ANKRD36: variants seen among roughly 807,000 people sequenced by gnomAD.
The protein encoded by ANKRD36 is ankyrin repeat domain-containing protein 36A.
In ANKRD36, 179 loss-of-function variants were observed where a neutral mutation model predicts 278.1. That is an observed-to-expected ratio of 0.64 (90% CI 0.57 to 0.73). The LOEUF (loss-of-function observed/expected upper bound fraction) is 0.73, where lower values mean the gene tolerates loss of function less well. Among genes scored for constraint, ANKRD36 ranks in the 30% least tolerant of loss-of-function variants. ANKRD36 has a pLI of 0.00. For missense variants in ANKRD36, 1,159 were observed against 1,956.7 expected (o/e 0.59, Z 7.69); for synonymous variants, 320 against 641.1 (o/e 0.50, Z 7.57).
At chr2:97,153,184 T>C (rs1311250820) in intron 14 of ANKRD36, among the ~76,000 whole-genome samples, 1 of 151,852 alleles carries the variant, frequency 6.6e-6, no homozygotes, top group African/African-American at 2.4e-5. Context: ...AGGATATTTC[T>C]AATTCATTTC....
At chr2:97,197,443 C>G (rs886341948) in intron 42 of ANKRD36, among the ~76,000 whole-genome samples, 1 of 151,950 alleles carries the variant, frequency 6.6e-6, no homozygotes, top group African/African-American at 2.4e-5. Context: ...TCATTACTCT[C>G]CTTTGTTACT....
At chr2:97,129,681 TC>T (rs1392825650) in intron 6 of ANKRD36, among the ~76,000 whole-genome samples, 1 of 152,114 alleles carries the variant, frequency 6.6e-6, no homozygotes, top group African/African-American at 2.4e-5. Flanking sequence ...GTTTCAGCTT[TC>T]TACATATGGC....
chr2:97,200,252 G>T (rs1265778172), intron 44 of ANKRD36, 82 bp from the exon 45 acceptor site: 4 of 1,600,854 alleles, frequency 2.5e-6, no homozygotes, highest in East Asian at 4.5e-5. Flanking sequence ...GAGGACAGAG[G>T]TTGATGCTAA....
intron 22 of ANKRD36, among the ~76,000 whole-genome samples, chr2:97,175,055 A>G (rs1328203155): frequency 6.8e-6 from 1 of 146,316 alleles, no homozygotes; most frequent in Non-Finnish European, 1.5e-5. Flanking sequence ...TTTTTGCATC[A>G]ATGTTCATCA....
At position 97,233,605 on chromosome 2, in the gene ANKRD36, A is replaced by C. The variant is rs577939294; in HGVS notation, c.3952-125A>C. The C allele has an allele frequency of 7.3e-6, 11 of 1,507,876 alleles. 2 individuals are homozygous for C. The East Asian group carries it at 2.5e-4, about 35-fold the overall frequency. 93.4% of individuals were successfully genotyped at this position (1,507,876 alleles called of 1,614,324 possible). On this transcript the variant is annotated intron_variant, in intron 67 of 75. Transcript: ENST00000420699. ...AACATAAAGGAAATTGCTTAAAAAA[A>C]AAGTACGGAACAGGTACCTGTGTTT...
In ANKRD36 at chr2:97,212,470, G is replaced by A. The variant is rs1247971418; in HGVS notation, c.3469+729G>A. On this transcript the variant is annotated intron_variant, in intron 58 of 75. Transcript: ENST00000420699. ...TTTCAGTTATAAAACTGAGATAAACGAATATGAATACATTGGCTTCAAAGT... is the reference window on the plus strand; with the variant it reads ...TTTCAGTTATAAAACTGAGATAAACAAATATGAATACATTGGCTTCAAAGT... Among the ~76,000 whole-genome samples the A allele has an allele frequency of 2.6e-5, 4 of 152,000 alleles. No individual in the cohort carries two copies. The East Asian group carries it at 5.9e-4, about 22-fold the overall frequency.
chr2:97,185,674 G>T (rs201174426), intron 30 of ANKRD36, among the ~76,000 whole-genome samples, 164 bp downstream of exon 30: 1 of 151,742 alleles, frequency 6.6e-6, no homozygotes, highest in Admixed American at 6.6e-5. Flanking sequence ...GATGCTGCTG[G>T]TCTTGGACCT....
chr2:97,187,336 C>A lies in ANKRD36; in HGVS notation c.2078C>A (p.Thr693Asn), dbSNP rs1210116712. The A allele has an allele frequency of 6.2e-7, 1 of 1,607,586 alleles. No homozygotes were observed. The highest frequency in any genetic ancestry group is 2.3e-5 in the East Asian group (1 of 44,356). The change falls in exon 32 of 76, where the codon ACT becomes AAT. Residue 693 changes from threonine to asparagine, a missense_variant. Coordinates refer to ENST00000420699, the MANE Select transcript of ANKRD36 (RefSeq NM_001354587.1). ...SQKQPALKAT[T>N]DEEDSVSNIA... is the part of the protein sequence containing the mutation. ...CTTTCAAATTCCATTCAGGCTACAA[C>A]TGACGAGGAAGACTCTGTTTCGAAT...
chr2:97,191,029 T>G lies in ANKRD36; in HGVS notation c.2274+23T>G, dbSNP rs1469378176. On this transcript the variant is annotated intron_variant, in intron 35 of 75. Transcript: ENST00000420699. ...AAGGTAATTAAACTCTCATTTATATTGTGAACTAGTAAATCTATAGTCTAT... is the reference window on the plus strand; with the variant it reads ...AAGGTAATTAAACTCTCATTTATATGGTGAACTAGTAAATCTATAGTCTAT... The G allele has an allele frequency of 3.7e-6, 6 of 1,604,596 alleles. 1 individual carries two copies. Among genetic ancestry groups the G allele is most frequent in the Non-Finnish European group, 4.3e-6 (5 of 1,175,726 alleles).
intron 52 of ANKRD36, 35 bp downstream of exon 52, chr2:97,206,170 T>A: frequency 6.7e-7 from 1 of 1,500,612 alleles, no homozygotes; most frequent in Non-Finnish European, 8.9e-7. Context: ...CCATGTTCAG[T>A]CGAGATAGAT....
intron 67 of ANKRD36, among the ~76,000 whole-genome samples, chr2:97,232,927 C>T (rs1969521): frequency 0.36 from 53,628 of 148,996 alleles, 10,648 homozygotes; most frequent in South Asian, 0.66. Flanking sequence ...AATTAAACAT[C>T]GGACATATGC....
rs186134469 is a variant in ANKRD36, at chr2:97,209,123, C to G, written c.3266-558C>G. 4.2e-4 allele frequency among the ~76,000 whole-genome samples: 62 copies of G among 146,662 alleles called. 5 individuals are homozygous for G. The highest frequency in any genetic ancestry group is 1.0e-3 in the African/African-American group (38 of 37,796). On this transcript the variant is annotated intron_variant, in intron 54 of 75. Coordinates refer to ENST00000420699, the MANE Select transcript of ANKRD36 (RefSeq NM_001354587.1). The stretch of plus-strand genomic sequence containing the variant: ...GGGTGTGAAAGATAATGAATATTAT[C>G]TACTAGGTATCAGCAAACAGATATC...
chr2:97,179,669 A>T, intron 22 of ANKRD36, 69 bp from the exon 23 acceptor site: 1 of 1,586,520 alleles, frequency 6.3e-7, no homozygotes, highest in Non-Finnish European at 8.5e-7. Context: ...CATGCTATCC[A>T]TGCATTTATG....
intron 62 of ANKRD36, chr2:97,215,867 GA>G: frequency 3.6e-6 from 2 of 549,450 alleles, no homozygotes; most frequent in Non-Finnish European, 6.2e-6. Flanking sequence ...GTTATAAACA[GA>G]GGGAAAAGTG....
intron 44 of ANKRD36, among the ~76,000 whole-genome samples, chr2:97,200,011 A>G (rs1464840304): frequency 4.0e-5 from 6 of 151,898 alleles, no homozygotes; most frequent in Non-Finnish European, 8.8e-5. Context: ...TCTCACGTAT[A>G]TGAGTTGCTC....
At chr2:97,144,855 G>A in intron 10 of ANKRD36, 143 bp downstream of exon 10, 3 of 1,223,454 alleles carry the variant, frequency 2.5e-6, no homozygotes, top group Non-Finnish European at 3.3e-6. Flanking sequence ...AAGTTCTGGA[G>A]TGATGGTGAT....
rs77617259 is a variant in ANKRD36, at chr2:97,194,564, G to T, written c.2450-162G>T. Among the ~76,000 whole-genome samples, 3 of 151,482 alleles carry T rather than the reference G, an allele frequency of 2.0e-5. 1 individual carries two copies. Among genetic ancestry groups the T allele is most frequent in the South Asian group, 4.2e-4 (2 of 4,756 alleles). On this transcript the variant is annotated intron_variant, in intron 38 of 75. Transcript: ENST00000420699. The stretch of plus-strand genomic sequence containing the variant: ...CGGAGCCTGTGTTCCCTTTTTTCAG[G>T]GTATTTCTGACATGTTCTGGTCCCC...
chr2:97,154,148 A>C (rs2923990), intron 14 of ANKRD36, among the ~76,000 whole-genome samples: 2 of 146,160 alleles, frequency 1.4e-5, no homozygotes, highest in African/African-American at 4.9e-5. Flanking sequence ...AAGAGAATCA[A>C]TGGGCCCTCT....
rs765781790 is a variant in ANKRD36, at chr2:97,181,806, A to G, written c.1837+13A>G. ...CAATCTGGGACAGGTAATTTTGCAA[A>G]ACACATTTAATGTCATGTTCAGTCA... On this transcript the variant is annotated intron_variant, in intron 26 of 75. Coordinates refer to ENST00000420699, the MANE Select transcript of ANKRD36 (RefSeq NM_001354587.1). The G allele has an allele frequency of 1.2e-6, 2 of 1,606,360 alleles. No individual in the cohort carries two copies. Among genetic ancestry groups the G allele is most frequent in the South Asian group, 1.1e-5 (1 of 90,680 alleles).
Sources: gnomAD v4.1 joint callset for allele counts (sites outside exome capture counted in the v4.1 genomes callset) on GRCh38, gnomAD v4.1.1 for gene constraint, MANE v1.5 for transcripts, NCBI Gene and HGNC (gene_info 2026-07-23, HGNC 2026-07-21) for gene names.